CREBBP: variants seen among roughly 807,000 people sequenced by gnomAD.
CREBBP encodes CREB binding lysine acetyltransferase.
CREBBP carries 19 observed loss-of-function variants against 265.0 expected under a neutral mutation model. That is an observed-to-expected ratio of 0.07 (90% CI 0.05 to 0.11). The LOEUF (loss-of-function observed/expected upper bound fraction) is 0.11, where lower values mean the gene tolerates loss of function less well. Among genes scored for constraint, CREBBP ranks in the 10% least tolerant of loss-of-function variants. The pLI, the probability that CREBBP is intolerant of heterozygous loss-of-function variation, is 1.00. For synonymous variants in CREBBP, 1,457 were observed against 1,223.7 expected (o/e 1.19, Z -3.98); for missense variants, 2,525 against 3,219.0 (o/e 0.78, Z 5.22).
At position 3,731,404 on chromosome 16, in the gene CREBBP, G is replaced by T; in HGVS notation, c.4960C>A (p.Pro1654Thr). ...TCCATGAGGTCACAGCTGAGCAGGGGGTCGGGGTCGACGATGGGGGGCAGG... is the reference window on the plus strand; with the variant it reads ...TCCATGAGGTCACAGCTGAGCAGGGTGTCGGGGTCGACGATGGGGGGCAGG... Reference protein sequence around the residue: ...NTLPPIVDPDPLLSCDLMDGR... With the variant: ...NTLPPIVDPDTLLSCDLMDGR... Residue 1654 changes from proline (P) to threonine (T), a missense_variant, in exon 30 of 31, where the codon CCC becomes ACC. Pro to Thr is a conservative substitution (Grantham distance 38). Coordinates refer to ENST00000262367, the MANE Select transcript of CREBBP (RefSeq NM_004380.3). This position sits in a 1 kb window ranked among gnomAD's most constrained non-coding sequence, Gnocchi z 7.7. The T allele has an allele frequency of 6.2e-7, 1 of 1,609,106 alleles. No homozygotes were observed. The highest frequency in any genetic ancestry group is 2.2e-5 in the East Asian group (1 of 44,678).
chr16:3,761,890 T>A (rs1442567847), intron 16 of CREBBP, among the ~76,000 whole-genome samples: 1 of 152,216 alleles, frequency 6.6e-6, no homozygotes, highest in Non-Finnish European at 1.5e-5. Flanking sequence ...GCCTTTTGAT[T>A]TCTCTGAATG....
intron 23 of CREBBP, chr16:3,740,947 G>C (rs1447739376): frequency 2.8e-6 from 1 of 354,700 alleles, no homozygotes; most frequent in East Asian, 7.3e-5. Flanking sequence ...CCAGCTCTGA[G>C]GAGAAAGTCC....
chr16:3,733,459 C>T (rs1314644530), intron 28 of CREBBP, among the ~76,000 whole-genome samples: 4 of 151,512 alleles, frequency 2.6e-5, no homozygotes, highest in African/African-American at 7.3e-5. Context: ...AGAAAAGGGA[C>T]GTCAGGGGAA....
intron 21 of CREBBP, among the ~76,000 whole-genome samples, chr16:3,748,071 C>T (rs200099522): frequency 2.0e-5 from 3 of 151,898 alleles, no homozygotes; most frequent in African/African-American, 4.8e-5. Context: ...GCCTGGGCAA[C>T]AAGAGTGAAA....
intron 2 of CREBBP, among the ~76,000 whole-genome samples, chr16:3,845,078 A>T (rs1380044494): frequency 6.6e-6 from 1 of 152,182 alleles, no homozygotes; most frequent in African/African-American, 2.4e-5. Context: ...TTTGTTTTTA[A>T]AATTTGAAAA....
At chr16:3,859,678 G>A (rs1305197655) in intron 1 of CREBBP, among the ~76,000 whole-genome samples, 1 of 152,092 alleles carries the variant, frequency 6.6e-6, no homozygotes, top group Non-Finnish European at 1.5e-5. Context: ...AACGGCCAAT[G>A]GTTTAATCAA....
intron 11 of CREBBP, among the ~76,000 whole-genome samples, chr16:3,775,565 G>A (rs535834312): frequency 1.3e-5 from 2 of 152,166 alleles, no homozygotes; most frequent in Non-Finnish European, 2.9e-5. Flanking sequence ...ACCTTCAATG[G>A]CTACCTAGAA....
At chr16:3,765,065 C>G (rs1285760693) in intron 16 of CREBBP, among the ~76,000 whole-genome samples, 1 of 152,016 alleles carries the variant, frequency 6.6e-6, no homozygotes, top group Non-Finnish European at 1.5e-5. Flanking sequence ...GCTCTGCCTC[C>G]TGGGTTCACA....
At position 3,738,682 on chromosome 16, in the gene CREBBP, G is replaced by A. The variant is rs1205903115; in HGVS notation, c.4281-10C>T. ...AGAAATGTACACACGCCTGTGGGAA[G>A]GAGGCACATGTTTAACTCAGGGTAT... On this transcript the variant is annotated splice_polypyrimidine_tract_variant and intron_variant, in intron 25 of 30. Coordinates refer to ENST00000262367, the MANE Select transcript of CREBBP (RefSeq NM_004380.3). 6.4e-7 allele frequency: 1 copy of A among 1,558,390 alleles called. No homozygotes were observed. Among genetic ancestry groups the A allele is most frequent in the Admixed American group, 1.7e-5 (1 of 59,642 alleles).
In CREBBP at chr16:3,850,353, G is replaced by A. The variant is rs761381106; in HGVS notation, c.742C>T (p.Pro248Ser). ...VLAETLTQVSPQMTGHAGLNT... is the reference protein window; with the variant it reads ...VLAETLTQVSSQMTGHAGLNT... ...AGTCCCGCGTGACCAGTCATTTGCG[G>A]GGAAACCTGCGTTAGGGTCTCAGCC... The change falls in exon 2 of 31, where the codon CCG becomes TCG. Residue 248 changes from proline (P) to serine (S), a missense_variant. Physicochemically the swap from Pro to Ser is moderately conservative, Grantham distance 74. This residue lies in a region of CREBBP where 356 missense variants were observed against 340.4 expected (regional missense o/e 1.05). Transcript: ENST00000262367. 5.0e-6 allele frequency: 8 copies of A among 1,614,124 alleles called. No homozygotes were observed. In the South Asian group the frequency reaches 7.7e-5, roughly 16 times the overall value.
chr16:3,823,202 A>G (rs79497955), intron 2 of CREBBP, among the ~76,000 whole-genome samples: 4,905 of 152,336 alleles, frequency 0.032, 242 homozygotes, highest in East Asian at 0.2. Context: ...TATACAAAGC[A>G]TTATTTTAAG....
intron 23 of CREBBP, chr16:3,742,526 C>T (rs1351799673): frequency 1.3e-5 from 2 of 152,036 alleles, no homozygotes; most frequent in African/African-American, 4.8e-5. Context: ...TGTGCCTTTT[C>T]CTTTCTCATC....
chr16:3,767,719 C>CT lies in CREBBP; in HGVS notation c.3250dup (p.Ile1084AsnfsTer3). 1 of 1,614,232 alleles carries CT rather than the reference C, an allele frequency of 6.2e-7. No individual in the cohort carries two copies. Among genetic ancestry groups the CT allele is most frequent in the Non-Finnish European group, 8.5e-7 (1 of 1,180,024 alleles). ...AATAAGGTAATGAATAAATGGCCTA[C>CT]TTTTTTTGCGCGGCTGCGAAGGAGA... On this transcript the variant is annotated frameshift_variant and splice_region_variant. Coordinates refer to ENST00000262367, the MANE Select transcript of CREBBP (RefSeq NM_004380.3). LOFTEE classifies it high-confidence loss of function.
chr16:3,780,971 TAA>T lies in CREBBP; in HGVS notation c.1677-95_1677-94del, dbSNP rs1305696267. On this transcript the variant is annotated intron_variant, in intron 7 of 30. Coordinates refer to ENST00000262367, the MANE Select transcript of CREBBP (RefSeq NM_004380.3). ...TTCTTCTGCCACCACATGTGACTTT[TAA>T]AAGTTTAAGTCAGGAGAGCCAAGTG... The T allele has an allele frequency of 6.1e-6, 9 of 1,469,396 alleles. No individual in the cohort carries two copies. The African/African-American group carries it at 1.1e-4, about 18-fold the overall frequency. 91.0% of individuals were successfully genotyped at this position (1,469,396 alleles called of 1,614,324 possible).
chr16:3,814,448 G>T (rs2054000747), intron 2 of CREBBP, among the ~76,000 whole-genome samples: 1 of 151,968 alleles, frequency 6.6e-6, no homozygotes, highest in Non-Finnish European at 1.5e-5. Flanking sequence ...TAGAGACAGG[G>T]TTTTACCATG....
intron 1 of CREBBP, among the ~76,000 whole-genome samples, chr16:3,879,358 G>A (rs1045617501): frequency 6.6e-6 from 1 of 152,168 alleles, no homozygotes; most frequent in African/African-American, 2.4e-5. Context: ...GGCGGCTGCT[G>A]TGAGTGTCCT....
chr16:3,856,732 T>C (rs2054972181), intron 1 of CREBBP, among the ~76,000 whole-genome samples: 1 of 152,220 alleles, frequency 6.6e-6, no homozygotes, highest in Admixed American at 6.5e-5. Flanking sequence ...CCTTCCTTTC[T>C]GTCCAGGGCG....
chr16:3,781,177 T>C (rs192822106), intron 7 of CREBBP, 27 bp downstream of exon 7: 1,370 of 1,581,046 alleles, frequency 8.7e-4, no homozygotes, highest in Non-Finnish European at 1.1e-3. Context: ...TGTTGGACTG[T>C]CACTCAGATC....
At position 3,834,991 on chromosome 16, in the gene CREBBP, T is replaced by C. The variant is rs1030309721; in HGVS notation, c.798+15306A>G. Among the ~76,000 whole-genome samples the C allele has an allele frequency of 3.3e-5, 5 of 152,070 alleles. No homozygotes were observed. In the East Asian group the frequency reaches 5.8e-4, roughly 18 times the overall value. ...GGCTAACACGGTGAAACCCCGTCTC[T>C]AGTAAAAATACAAAAAATTGGCCGG... On this transcript the variant is annotated intron_variant, in intron 2 of 30. Transcript: ENST00000262367.
Sources: allele counts gnomAD v4.1 joint callset (sites outside exome capture counted in the v4.1 genomes callset), GRCh38; gene constraint gnomAD v4.1.1; regional missense constraint gnomAD v4.1.1; non-coding constraint Gnocchi (gnomAD v3.1); transcripts MANE v1.5; gene names NCBI Gene and HGNC (gene_info 2026-07-23, HGNC 2026-07-21).